The following RRP1B variants were observed in gnomAD, a reference collection of about 807,000 sequenced individuals.
The protein encoded by RRP1B is ribosomal RNA processing protein 1 homolog B.
Under a neutral mutation model 80.2 loss-of-function variants are expected in RRP1B, and 56 were observed. The ratio of observed to expected loss-of-function variants is 0.70; its 90% CI spans 0.56 to 0.87. The LOEUF (loss-of-function observed/expected upper bound fraction) is 0.87, where lower values mean the gene tolerates loss of function less well. RRP1B is among the 40% of genes least tolerant of loss of function. RRP1B has a pLI of 0.00. For synonymous variants in RRP1B, 351 were observed against 357.6 expected, an observed-to-expected ratio of 0.98 and a Z score of 0.21; for missense variants, 807 against 939.8, an observed-to-expected ratio of 0.86 and a Z score of 1.85.
At chr21:43,682,584 A>T (rs1329513521) in intron 8 of RRP1B, among the ~76,000 whole-genome samples, 1 of 152,198 alleles carries the variant, frequency 6.6e-6, no homozygotes, top group East Asian at 1.9e-4. Flanking sequence ...CTAGGGCCGG[A>T]TTCCTGCGTC....
intron 6 of RRP1B, 25 bp from the exon 7 acceptor site, chr21:43,676,247 A>G (rs2083021994): frequency 3.2e-6 from 5 of 1,562,348 alleles, no homozygotes; most frequent in Admixed American, 1.7e-5. Flanking sequence ...CTCTTTCTCA[A>G]TTTTTCCCTT....
intron 14 of RRP1B, 41 bp downstream of exon 14, chr21:43,690,481 A>G (rs2083082193): frequency 1.2e-6 from 2 of 1,601,548 alleles, no homozygotes; most frequent in African/African-American, 2.7e-5. Flanking sequence ...ATTTCACCAC[A>G]AGGGCACAGA....
rs536786545 is a variant in RRP1B, at chr21:43,687,428, G to A, written c.1142-88G>A. On this transcript the variant is annotated intron_variant, in intron 12 of 15. Coordinates refer to ENST00000340648, the MANE Select transcript of RRP1B (RefSeq NM_015056.3). ...TCGTGGTAGAATGTCAGGAAATTGC[G>A]TCCGCCAGTCATACTGTCTGAGAAT... The A allele has an allele frequency of 1.4e-4, 199 of 1,380,244 alleles. No homozygotes were observed. In the African/African-American group the frequency reaches 2.2e-3, roughly 16 times the overall value. 85.5% of individuals were successfully genotyped at this position (1,380,244 alleles called of 1,614,324 possible).
At chr21:43,662,946 A>G (rs1294663363) in intron 1 of RRP1B, among the ~76,000 whole-genome samples, 2 of 152,224 alleles carry the variant, frequency 1.3e-5, no homozygotes, top group African/African-American at 4.8e-5. Flanking sequence ...TTTCATTTGT[A>G]TCATTGCTTT....
chr21:43,664,951 C>CAT (rs3074012), intron 1 of RRP1B, among the ~76,000 whole-genome samples: 107,061 of 151,850 alleles, frequency 0.71, 38,791 homozygotes, highest in African/African-American at 0.86. Context: ...CCTCCCACCA[C>CAT]GTGGGGATTA....
At chr21:43,674,735 A>C (rs2083014592) in intron 5 of RRP1B, 38 bp downstream of exon 5, 1 of 1,551,304 alleles carries the variant, frequency 6.4e-7, no homozygotes, top group African/African-American at 1.4e-5. Flanking sequence ...GGTAGCCTTA[A>C]AACTTAAAAG....
chr21:43,673,969 C>T lies in RRP1B; in HGVS notation c.357+14C>T. 6.4e-7 allele frequency: 1 copy of T among 1,568,022 alleles called. No homozygotes were observed. The highest frequency in any genetic ancestry group is 8.7e-7 in the Non-Finnish European group (1 of 1,146,772). ...AAATACTATATGGTAAGATCTGCCGCAGTTACTTCAAAAACTCCTGGGAAG... is the reference window on the plus strand; with the variant it reads ...AAATACTATATGGTAAGATCTGCCGTAGTTACTTCAAAAACTCCTGGGAAG... On this transcript the variant is annotated intron_variant, in intron 4 of 15. Transcript: ENST00000340648.
chr21:43,678,071 G>T (rs535291314), intron 8 of RRP1B, among the ~76,000 whole-genome samples: 3 of 152,176 alleles, frequency 2.0e-5, no homozygotes, highest in Non-Finnish European at 2.9e-5. Flanking sequence ...GTTCTTTAAG[G>T]AATCTCCACA....
At chr21:43,664,766 G>A (rs923308733) in intron 1 of RRP1B, among the ~76,000 whole-genome samples, 5 of 152,246 alleles carry the variant, frequency 3.3e-5, no homozygotes, top group Admixed American at 2.0e-4. Flanking sequence ...CACAATCATG[G>A]CAGACAGCAA....
chr21:43,659,818 C>A lies in RRP1B; in HGVS notation c.130+24C>A. On this transcript the variant is annotated intron_variant, in intron 1 of 15. Coordinates refer to ENST00000340648, the MANE Select transcript of RRP1B (RefSeq NM_015056.3). The surrounding 1 kb of genome is among the most constrained non-coding windows in gnomAD (Gnocchi z 4.2). ...AGGTGGGCGCACGGCCGCGGTCAGC[C>A]GCGCCACATGGCGGGCCGGGGGCCG... The A allele has an allele frequency of 6.7e-7, 1 of 1,493,634 alleles. No homozygotes were observed. The highest frequency in any genetic ancestry group is 1.3e-5 in the South Asian group (1 of 78,624). The allele number at this position is 1,493,634 out of a possible 1,614,324, so 92.5% of individuals were successfully genotyped here.
chr21:43,687,884 G>A lies in RRP1B; in HGVS notation c.1510G>A (p.Gly504Ser). 1.2e-6 allele frequency: 2 copies of A among 1,613,302 alleles called. No homozygotes were observed. ...GGACATGTCTCAGAGTGGCCCGAGTGGCAGTCATCCTCAGGGACCTAGAGG... is the reference window on the plus strand; with the variant it reads ...GGACATGTCTCAGAGTGGCCCGAGTAGCAGTCATCCTCAGGGACCTAGAGG... ...PEDMSQSGPS[G>S]SHPQGPRGSP... The change falls in exon 13 of 16, where the codon GGC becomes AGC. Residue 504 changes from glycine to serine, a missense_variant. By Grantham distance (56) the Gly-to-Ser change is moderately conservative. Transcript: ENST00000340648.
chr21:43,676,937 T>C, intron 8 of RRP1B, 23 bp downstream of exon 8: 1 of 1,604,364 alleles, frequency 6.2e-7, no homozygotes, highest in Non-Finnish European at 8.5e-7. Flanking sequence ...TCTTGGTCAG[T>C]GTAGCTTTCT....
chr21:43,682,646 C>T (rs1601758478), intron 8 of RRP1B, among the ~76,000 whole-genome samples: 1 of 152,252 alleles, frequency 6.6e-6, no homozygotes, highest in African/African-American at 2.4e-5. Flanking sequence ...ATCCGCTTGC[C>T]TGCGTCCCTG....
At chr21:43,672,684 C>G (rs2147165411) in intron 3 of RRP1B, among the ~76,000 whole-genome samples, 1 of 152,276 alleles carries the variant, frequency 6.6e-6, no homozygotes, top group Non-Finnish European at 1.5e-5. Flanking sequence ...TCGTCTTCCC[C>G]AAGAGCAGAG....
At position 43,691,358 on chromosome 21, in the gene RRP1B, C is replaced by G; in HGVS notation, c.2020-81C>G. ...AGTGTGGGCGGCATACCCTCCAGGG[C>G]AGGTTCTCCAGAAAAATCTGACTAA... On this transcript the variant is annotated intron_variant, in intron 14 of 15. Coordinates refer to ENST00000340648, the MANE Select transcript of RRP1B (RefSeq NM_015056.3). The surrounding 1 kb of genome is among the most constrained non-coding windows in gnomAD (Gnocchi z 4.2). The G allele has an allele frequency of 7.6e-7, 1 of 1,313,336 alleles. No individual in the cohort carries two copies. The highest frequency in any genetic ancestry group is 2.3e-5 in the East Asian group (1 of 43,112). 81.4% of individuals were successfully genotyped at this position (1,313,336 alleles called of 1,614,324 possible). A position where few individuals can be genotyped will look rare whatever the true frequency, so the allele number is the denominator to read the frequency against.
In RRP1B at chr21:43,691,493, A is replaced by C; in HGVS notation, c.2074A>C (p.Met692Leu). Residue 692 changes from methionine (M) to leucine (L), a missense_variant, in exon 15 of 16, where the codon ATG becomes CTG. Coordinates refer to ENST00000340648, the MANE Select transcript of RRP1B (RefSeq NM_015056.3). The surrounding 1 kb of genome is among the most constrained non-coding windows in gnomAD (Gnocchi z 4.2). ...KKVTFGLNRNMTAEFKKTDKS... is the reference protein window; with the variant it reads ...KKVTFGLNRNLTAEFKKTDKS... Reference sequence around the variant, plus strand: ...AGTCACCTTTGGGCTGAACAGAAACATGACTGCCGGTAAGTGGGGTTTTGC... The same window carrying C: ...AGTCACCTTTGGGCTGAACAGAAACCTGACTGCCGGTAAGTGGGGTTTTGC... 6.2e-7 allele frequency: 1 copy of C among 1,614,096 alleles called. No homozygotes were observed. Among genetic ancestry groups the C allele is most frequent in the South Asian group, 1.1e-5 (1 of 91,076 alleles).
At position 43,693,728 on chromosome 21, in the gene RRP1B, T is replaced by G. The variant is rs748841990; in HGVS notation, c.*345T>G. 2.6e-4 allele frequency: 55 copies of G among 211,896 alleles called. No homozygotes were observed. Among genetic ancestry groups the G allele is most frequent in the Admixed American group, 9.1e-4 (15 of 16,560 alleles). The allele number at this position is 211,896 out of a possible 1,614,324, so 13.1% of individuals were successfully genotyped here. A position where few individuals can be genotyped will look rare whatever the true frequency, so the allele number is the denominator to read the frequency against. On this transcript the variant is annotated 3_prime_UTR_variant, in exon 16 of 16. Coordinates refer to ENST00000340648, the MANE Select transcript of RRP1B (RefSeq NM_015056.3). The surrounding 1 kb of genome is among the most constrained non-coding windows in gnomAD (Gnocchi z 4.1). ...AAATCAATCAGTGCTGCTGGCACAA[T>G]GAAAGGTGGAACTGCACTTCTGTTG...
intron 2 of RRP1B, among the ~76,000 whole-genome samples, chr21:43,670,642 A>G (rs1404925637): frequency 6.6e-6 from 1 of 152,214 alleles, no homozygotes; most frequent in African/African-American, 2.4e-5. Context: ...ATGCAGCCCA[A>G]CACAAATTCG....
chr21:43,683,414 T>C lies in RRP1B; in HGVS notation c.891+41T>C, dbSNP rs1486231926. 2.6e-6 allele frequency: 4 copies of C among 1,512,952 alleles called. No homozygotes were observed. In the Admixed American group the frequency reaches 5.0e-5, roughly 19 times the overall value. The allele number at this position is 1,512,952 out of a possible 1,614,324, so 93.7% of individuals were successfully genotyped here. On this transcript the variant is annotated intron_variant, in intron 9 of 15. Coordinates refer to ENST00000340648, the MANE Select transcript of RRP1B (RefSeq NM_015056.3). ...TGCTTTTTATAGAATATAGATTTGC[T>C]GTGGAGTAGCCTGACTAGAGAATTA...
Sources: gnomAD v4.1 joint callset for allele counts (sites outside exome capture counted in the v4.1 genomes callset) on GRCh38, gnomAD v4.1.1 for gene constraint, Gnocchi (gnomAD v3.1) non-coding constraint, MANE v1.5 for transcripts, NCBI Gene and HGNC (gene_info 2026-07-23, HGNC 2026-07-21) for gene names.